The following PRIM2 variants were observed in gnomAD, a reference collection of about 807,000 sequenced individuals.
PRIM2 encodes DNA primase large subunit.
Under a neutral mutation model 67.3 loss-of-function variants are expected in PRIM2, and 39 were observed. That is an observed-to-expected ratio of 0.58 (90% CI 0.45 to 0.76). PRIM2 has a LOEUF of 0.76. Among genes scored for constraint, PRIM2 ranks in the 30% least tolerant of loss-of-function variants. The pLI is 0.00. For missense variants in PRIM2, 398 were observed against 598.7 expected (o/e 0.66, Z 3.50); for synonymous variants, 143 against 198.7 (o/e 0.72, Z 2.36).
At chr6:57,291,898 T>C in the PRIM2 span, among the ~76,000 whole-genome samples, 1 of 152,146 alleles carries the variant, frequency 6.6e-6, no homozygotes, top group South Asian at 2.1e-4. Flanking sequence ...TCATACTGAA[T>C]AGGCAAAAAC....
intron 10 of PRIM2, among the ~76,000 whole-genome samples, chr6:57,569,388 A>T (rs1775818684): frequency 6.6e-6 from 1 of 152,220 alleles, no homozygotes; most frequent in East Asian, 1.9e-4. Flanking sequence ...AGTTGCAGAT[A>T]TTAACAGTAA....
the PRIM2 span, among the ~76,000 whole-genome samples, chr6:57,238,898 A>G: frequency 6.6e-6 from 1 of 152,214 alleles, no homozygotes; most frequent in Non-Finnish European, 1.5e-5. Context: ...ATTATTGTCA[A>G]GCTCCTTAGT....
At chr6:57,589,347 T>TG (rs1776246089) in intron 10 of PRIM2, among the ~76,000 whole-genome samples, 1 of 152,172 alleles carries the variant, frequency 6.6e-6, no homozygotes, top group Non-Finnish European at 1.5e-5. Context: ...TGGCTGATCC[T>TG]GGGCTTCATC....
chr6:57,387,663 G>A (rs914619811), intron 7 of PRIM2, among the ~76,000 whole-genome samples: 3 of 152,134 alleles, frequency 2.0e-5, no homozygotes, highest in East Asian at 3.9e-4. Context: ...TTGGAGCTAC[G>A]GTAGAATAGA....
At chr6:57,469,511 G>A (rs1773286801) in intron 7 of PRIM2, among the ~76,000 whole-genome samples, 2 of 152,206 alleles carry the variant, frequency 1.3e-5, no homozygotes, top group South Asian at 4.1e-4. Context: ...ATCTTACGAT[G>A]TGAATTCTCT....
rs1172495428 is a variant in PRIM2 at position 57,497,166 on chromosome 6, A to C, written c.694-10221A>C. 3.3e-5 allele frequency among the ~76,000 whole-genome samples: 5 copies of C among 152,296 alleles called. No individual in the cohort carries two copies. In the South Asian group the frequency reaches 1.0e-3, roughly 32 times the overall value. The stretch of plus-strand genomic sequence containing the variant: ...TAAATTTTGTATACGTTTTTAAGAT[A>C]ACTATATGACATTAAAAGAAGTTGA... On this transcript the variant is annotated intron_variant, in intron 7 of 13. Coordinates refer to ENST00000615550, the MANE Select transcript of PRIM2 (RefSeq NM_000947.5).
chr6:57,415,974 G>A (rs1449379413), intron 7 of PRIM2, among the ~76,000 whole-genome samples: 1 of 152,058 alleles, frequency 6.6e-6, no homozygotes, highest in East Asian at 1.9e-4. Context: ...CATGAGAGTT[G>A]GAATCAACTT....
At chr6:57,542,978 GC>G (rs1775201538) in intron 10 of PRIM2, among the ~76,000 whole-genome samples, 4 of 82,596 alleles carry the variant, frequency 4.8e-5, no homozygotes, top group Non-Finnish European at 7.2e-5. Context: ...TCTCGCTGTC[GC>G]CCAGGCTGGA....
At chr6:57,320,018 CTGT>C (rs1238064719) in intron 2 of PRIM2, among the ~76,000 whole-genome samples, 1 of 152,214 alleles carries the variant, frequency 6.6e-6, no homozygotes, top group Non-Finnish European at 1.5e-5. Context: ...TTCTTCTTCA[CTGT>C]TGTGCTCTGT....
intron 5 of PRIM2, among the ~76,000 whole-genome samples, chr6:57,327,075 T>C (rs962561125): frequency 2.0e-5 from 3 of 151,954 alleles, no homozygotes; most frequent in Non-Finnish European, 4.4e-5. Context: ...GGCTAATTTT[T>C]GTATTTTTAG....
chr6:57,296,277 C>A, the PRIM2 span, among the ~76,000 whole-genome samples: 1 of 133,508 alleles, frequency 7.5e-6, no homozygotes, highest in African/African-American at 2.7e-5. Context: ...TGTACTTTAG[C>A]TAGTAAGTTT....
chr6:57,223,214 T>A, the PRIM2 span, among the ~76,000 whole-genome samples: 351 of 152,228 alleles, frequency 2.3e-3, 1 homozygote, highest in African/African-American at 8.0e-3. Context: ...ATGGCATAAG[T>A]CCATTTCTAT....
At chr6:57,344,855 A>G (rs1167630049) in intron 5 of PRIM2, among the ~76,000 whole-genome samples, 2 of 152,182 alleles carry the variant, frequency 1.3e-5, no homozygotes, top group Non-Finnish European at 2.9e-5. Context: ...GATTCTGCTC[A>G]TGATAATATG....
At chr6:57,531,875 ATTAT>A (rs1167805200) in intron 8 of PRIM2, among the ~76,000 whole-genome samples, 1 of 152,170 alleles carries the variant, frequency 6.6e-6, no homozygotes, top group Non-Finnish European at 1.5e-5. Context: ...CTATTCAGAT[ATTAT>A]TTATTTTAAT....
At chr6:57,582,879 T>C (rs1464295418) in intron 10 of PRIM2, among the ~76,000 whole-genome samples, 1 of 150,548 alleles carries the variant, frequency 6.6e-6, no homozygotes, top group African/African-American at 2.4e-5. Context: ...GCTGGTGTGC[T>C]GCACCCATTA....
chr6:57,608,908 T>G (rs1776615442), intron 12 of PRIM2, among the ~76,000 whole-genome samples: 1 of 152,156 alleles, frequency 6.6e-6, no homozygotes, highest in Non-Finnish European at 1.5e-5. Flanking sequence ...CAAGCAGAAT[T>G]AAGTTCTCTT....
At chr6:57,234,763 C>T in the PRIM2 span, among the ~76,000 whole-genome samples, 145,469 of 152,066 alleles carry the variant, frequency 0.96, 69,608 homozygotes, top group South Asian at 0.99. Context: ...CACTTTGTGA[C>T]CCACCCGCCT....
intron 5 of PRIM2, among the ~76,000 whole-genome samples, chr6:57,334,271 TTATG>T (rs1768149256): frequency 1.3e-5 from 2 of 152,160 alleles, no homozygotes; most frequent in Non-Finnish European, 2.9e-5. Flanking sequence ...TATTATTCCG[TTATG>T]TATATATATT....
intron 10 of PRIM2, among the ~76,000 whole-genome samples, chr6:57,539,652 GTGTGTA>G (rs1200551772): frequency 0.11 from 7,524 of 67,754 alleles, 214 homozygotes; most frequent in African/African-American, 0.19. Context: ...GTGTGTGTGT[GTGTGTA>G]TATATATATA....
Sources: gnomAD v4.1 joint callset for allele counts (sites outside exome capture counted in the v4.1 genomes callset) on GRCh38, gnomAD v4.1.1 for gene constraint, MANE v1.5 for transcripts, NCBI Gene and HGNC (gene_info 2026-07-23, HGNC 2026-07-21) for gene names.